The following CALN1 variants were observed in gnomAD, a reference collection of about 807,000 sequenced individuals.
CALN1 encodes the protein calcium-binding protein 8.
CALN1 carries 17 observed loss-of-function variants against 30.6 expected under a neutral mutation model. The observed-to-expected ratio is 0.56, with a 90% CI of 0.38 to 0.83. The LOEUF is 0.83. CALN1 is among the 40% of genes least tolerant of loss of function. CALN1 has a pLI of 0.00. For synonymous variants in CALN1, 156 were observed against 131.4 expected (o/e 1.19, Z -1.28); for missense variants, 291 against 354.9 (o/e 0.82, Z 1.45).
chr7:71,788,768 C>G (rs1223024748), intron 6 of CALN1, among the ~76,000 whole-genome samples: 1 of 152,084 alleles, frequency 6.6e-6, no homozygotes, highest in African/African-American at 2.4e-5. Flanking sequence ...TGCCATTCTC[C>G]TGTCTCAGCC....
At chr7:72,144,529 A>AT (rs1004283386) in intron 3 of CALN1, among the ~76,000 whole-genome samples, 1 of 152,168 alleles carries the variant, frequency 6.6e-6, no homozygotes, top group Non-Finnish European at 1.5e-5. Context: ...TAATGGGAGA[A>AT]TTTAACACTC....
chr7:72,012,715 A>AGCTGCCACTGAGT (rs1356181842), intron 5 of CALN1, among the ~76,000 whole-genome samples: 2 of 152,122 alleles, frequency 1.3e-5, no homozygotes, highest in Non-Finnish European at 1.5e-5. Flanking sequence ...TTTGGGTGAC[A>AGCTGCCACTGAGT]GCTGCCACTC....
intron 2 of CALN1, among the ~76,000 whole-genome samples, chr7:72,338,944 A>T (rs1393470825): frequency 2.0e-5 from 3 of 149,752 alleles, no homozygotes; most frequent in African/African-American, 2.5e-5. Context: ...TACCTACCCA[A>T]CCTCCTCACC....
chr7:72,330,505 G>A (rs1263746323), intron 2 of CALN1, among the ~76,000 whole-genome samples: 1 of 149,276 alleles, frequency 6.7e-6, no homozygotes, highest in Non-Finnish European at 1.5e-5. Context: ...GACCTTTGTT[G>A]GCCATCCAAT....
At chr7:72,410,074 T>C (rs1016304665) in intron 1 of CALN1, among the ~76,000 whole-genome samples, 2 of 152,196 alleles carry the variant, frequency 1.3e-5, no homozygotes, top group African/African-American at 4.8e-5. Context: ...AATGTTCCAT[T>C]GTGCGGGTCA....
At chr7:72,391,045 C>T (rs974880642) in intron 2 of CALN1, among the ~76,000 whole-genome samples, 1 of 152,214 alleles carries the variant, frequency 6.6e-6, no homozygotes, top group African/African-American at 2.4e-5. Flanking sequence ...TCTCCAGTTA[C>T]TCCCAAGCCT....
the CALN1 span, among the ~76,000 whole-genome samples, chr7:72,493,244 A>AATGGTATCATACAAT: frequency 6.6e-6 from 1 of 152,146 alleles, no homozygotes; most frequent in Non-Finnish European, 1.5e-5. Flanking sequence ...ATTTCACAGA[A>AATGGTATCATACAAT]ATGGTATCAT....
chr7:72,179,882 C>T (rs1369931204), intron 3 of CALN1, among the ~76,000 whole-genome samples: 4 of 152,180 alleles, frequency 2.6e-5, no homozygotes, highest in African/African-American at 9.7e-5. Flanking sequence ...AGGACATATA[C>T]TGTTTGCTTA....
chr7:72,337,204 C>A, intron 2 of CALN1: 1 of 985,268 alleles, frequency 1.0e-6, no homozygotes, highest in Non-Finnish European at 1.2e-6. Flanking sequence ...CCCAGCGGAT[C>A]CCCCAGGGCC....
At chr7:72,036,940 TTTG>T (rs1320645898) in intron 4 of CALN1, among the ~76,000 whole-genome samples, 1 of 152,002 alleles carries the variant, frequency 6.6e-6, no homozygotes, top group African/African-American at 2.4e-5. Context: ...GGATTTATTT[TTTG>T]TTATTATTTT....
intron 5 of CALN1, among the ~76,000 whole-genome samples, chr7:71,827,637 T>C (rs1309760127): frequency 6.6e-6 from 1 of 151,716 alleles, no homozygotes; most frequent in African/African-American, 2.4e-5. Flanking sequence ...CTGGGCATGG[T>C]GGTGGGTGCC....
chr7:72,145,880 A>T (rs958335645), intron 3 of CALN1, among the ~76,000 whole-genome samples: 1 of 152,380 alleles, frequency 6.6e-6, no homozygotes, highest in Admixed American at 6.5e-5. Context: ...CCACATGATT[A>T]TCTCAATAGA....
chr7:71,916,160 G>A (rs1421874618), intron 5 of CALN1, among the ~76,000 whole-genome samples: 1 of 151,848 alleles, frequency 6.6e-6, no homozygotes, highest in African/African-American at 2.4e-5. Flanking sequence ...GAAACACAAA[G>A]GGATGTTCCC....
At chr7:72,247,335 G>C (rs752711173) in intron 3 of CALN1, among the ~76,000 whole-genome samples, 1 of 131,186 alleles carries the variant, frequency 7.6e-6, no homozygotes, top group Non-Finnish European at 1.5e-5. Flanking sequence ...TGCAAGTTCC[G>C]CCTCCCGGTT....
chr7:72,265,335 G>GT (rs1796531636), intron 3 of CALN1, among the ~76,000 whole-genome samples: 1 of 152,204 alleles, frequency 6.6e-6, no homozygotes, highest in Non-Finnish European at 1.5e-5. Flanking sequence ...GAGAAGACCA[G>GT]TGAGTCATTG....
intron 5 of CALN1, among the ~76,000 whole-genome samples, chr7:71,828,813 A>C (rs1467182123): frequency 6.6e-6 from 1 of 151,108 alleles, no homozygotes; most frequent in African/African-American, 2.4e-5. Flanking sequence ...CAGTGGCATG[A>C]TCTTGACTCA....
At chr7:72,476,822 C>T in the CALN1 span, among the ~76,000 whole-genome samples, 2 of 152,202 alleles carry the variant, frequency 1.3e-5, no homozygotes, top group Non-Finnish European at 2.9e-5. Context: ...GGGGCAGAGT[C>T]CCCTGCTGGA....
At chr7:72,291,726 C>T (rs1343722833) in intron 2 of CALN1, among the ~76,000 whole-genome samples, 2 of 152,174 alleles carry the variant, frequency 1.3e-5, no homozygotes, top group African/African-American at 2.4e-5. Flanking sequence ...GATTCTCCTG[C>T]CTCAGCCTCC....
At chr7:72,100,996 C>G (rs912731978) in intron 4 of CALN1, among the ~76,000 whole-genome samples, 1 of 151,496 alleles carries the variant, frequency 6.6e-6, no homozygotes, top group African/African-American at 2.4e-5. Flanking sequence ...CGGAGTCTTG[C>G]TTTGTCACCC....
Sources: allele counts gnomAD v4.1 joint callset (sites outside exome capture counted in the v4.1 genomes callset), GRCh38; gene constraint gnomAD v4.1.1; transcripts MANE v1.5; gene names NCBI Gene and HGNC (gene_info 2026-07-23, HGNC 2026-07-21).